NLRP7: variants seen among roughly 807,000 people sequenced by gnomAD.
The protein encoded by NLRP7 is NLR family pyrin domain containing 7.
A neutral mutation model predicts 85.5 loss-of-function variants in NLRP7; 72 were observed. The ratio of observed to expected loss-of-function variants is 0.84; its 90% CI spans 0.70 to 1.02. NLRP7 has a LOEUF of 1.02. NLRP7 is among the 50% of genes least tolerant of loss of function. The pLI, the probability that NLRP7 is intolerant of heterozygous loss-of-function variation, is 0.00. For missense variants in NLRP7, 1,243 were observed against 1,219.5 expected, an observed-to-expected ratio of 1.02 and a Z score of -0.29; for synonymous variants, 550 against 505.2, an observed-to-expected ratio of 1.09 and a Z score of -1.19.
At chr19:54,960,983 T>C (rs1021211721) in intron 1 of NLRP7, among the ~76,000 whole-genome samples, 56 of 152,190 alleles carry the variant, frequency 3.7e-4, no homozygotes, top group South Asian at 4.2e-4. Context: ...ACAAAGGGCA[T>C]TTTTAAAAAT....
chr19:54,947,051 G>C (rs773369086), intron 1 of NLRP7, among the ~76,000 whole-genome samples: 1 of 152,058 alleles, frequency 6.6e-6, no homozygotes, highest in Non-Finnish European at 1.5e-5. Flanking sequence ...TAGGCCAGGC[G>C]TGGTGGCTCA....
At chr19:54,928,156 G>T (rs1225318506) in intron 9 of NLRP7, among the ~76,000 whole-genome samples, 1 of 152,114 alleles carries the variant, frequency 6.6e-6, no homozygotes, top group Non-Finnish European at 1.5e-5. Flanking sequence ...GGAGGCGGAG[G>T]TTACAGTGAG....
At chr19:54,927,555 C>A in intron 9 of NLRP7, 50 bp downstream of exon 10, 1 of 1,545,214 alleles carries the variant, frequency 6.5e-7, no homozygotes, top group Non-Finnish European at 8.7e-7. Context: ...GACTCCATCT[C>A]AAAAAAACAA....
chr19:54,928,526 A>G (rs2068541491), intron 9 of NLRP7, among the ~76,000 whole-genome samples: 1 of 152,324 alleles, frequency 6.6e-6, no homozygotes, highest in African/African-American at 2.4e-5. Context: ...GATATGTTCT[A>G]TTGAAGACAA....
At chr19:54,928,350 C>T (rs2068534077) in intron 9 of NLRP7, among the ~76,000 whole-genome samples, 2 of 152,244 alleles carry the variant, frequency 1.3e-5, no homozygotes, top group African/African-American at 4.8e-5. Context: ...GCCAACATAT[C>T]ACCACTGCAT....
exon 4 of NLRP7, chr19:54,940,447 T>G: frequency 6.2e-7 from 1 of 1,614,028 alleles, no homozygotes; most frequent in Non-Finnish European, 8.5e-7. Context: ...CCATTGAATT[T>G]CTCCATCCTT....
intron 1 of NLRP7, among the ~76,000 whole-genome samples, chr19:54,954,862 T>C (rs987502699): frequency 1.2e-4 from 18 of 149,856 alleles, no homozygotes; most frequent in African/African-American, 4.2e-4. Flanking sequence ...TCAAAAAAAA[T>C]AAGGGCAACT....
chr19:54,930,994 GC>G (rs35331478), intron 8 of NLRP7, among the ~76,000 whole-genome samples: 14,387 of 152,030 alleles, frequency 0.095, 1,022 homozygotes, highest in East Asian at 0.36. Flanking sequence ...CTGCACTCCA[GC>G]CCGGGCGACA....
chr19:54,933,172 G>A (rs1195452141), intron 8 of NLRP7, among the ~76,000 whole-genome samples: 1 of 152,012 alleles, frequency 6.6e-6, no homozygotes. Context: ...TTGAGAAGGA[G>A]TCTTGTTCTG....
intron 6 of NLRP7, among the ~76,000 whole-genome samples, 161 bp downstream of exon 6, chr19:54,936,100 G>A (rs945595021): frequency 4.6e-5 from 7 of 152,078 alleles, no homozygotes; most frequent in Non-Finnish European, 1.0e-4. Context: ...ACAAGCTGGT[G>A]GGGGAAAGAG....
chr19:54,954,142 T>C (rs539287532), intron 1 of NLRP7, among the ~76,000 whole-genome samples: 1 of 149,476 alleles, frequency 6.7e-6, no homozygotes, highest in Non-Finnish European at 1.5e-5. Flanking sequence ...ACAAATGCCA[T>C]GGCAATGTCA....
At chr19:54,933,646 C>T (rs1034802057) in exon 8 of NLRP7, 1 of 1,614,058 alleles carries the variant, frequency 6.2e-7, no homozygotes, top group African/African-American at 1.3e-5. Flanking sequence ...CAATGGGGTT[C>T]TTGGCCAAGC....
At chr19:54,941,884 C>A in intron 1 of NLRP7, 134 bp from the exon 2 acceptor site, 1 of 735,816 alleles carries the variant, frequency 1.4e-6, no homozygotes, top group Non-Finnish European at 2.1e-6. Flanking sequence ...AATTAAGAGA[C>A]TGAAAATCTG....
exon 4 of NLRP7, chr19:54,939,577 C>A: frequency 6.2e-7 from 1 of 1,611,868 alleles, no homozygotes; most frequent in Non-Finnish European, 8.5e-7. Flanking sequence ...GGAGGCTCAG[C>A]GTCCGCAGCG....
intron 4 of NLRP7, 108 bp downstream of exon 4, chr19:54,938,780 G>C (rs1460488870): frequency 8.2e-7 from 1 of 1,224,640 alleles, no homozygotes; most frequent in East Asian, 2.3e-5. Context: ...CGTTGAACAT[G>C]AAGCTGGAAA....
chr19:54,926,205 GGTGT>G (rs138774910), intron 9 of NLRP7, among the ~76,000 whole-genome samples: 27 of 143,628 alleles, frequency 1.9e-4, no homozygotes, highest in African/African-American at 4.7e-4. Context: ...AATGATTAGG[GGTGT>G]GTGTGTGTGT....
chr19:54,941,880 G>C, intron 1 of NLRP7, 130 bp from the exon 2 acceptor site: 1 of 760,884 alleles, frequency 1.3e-6, no homozygotes. Context: ...ACTGAATTAA[G>C]AGACTGAAAA....
At chr19:54,938,358 T>G (rs1251230372) in intron 4 of NLRP7, 117 bp from the exon 5 acceptor site, 15 of 795,884 alleles carry the variant, frequency 1.9e-5, no homozygotes, top group Non-Finnish European at 3.1e-5. Context: ...CCTAAAACAG[T>G]GTCTATAGTA....
intron 9 of NLRP7, among the ~76,000 whole-genome samples, chr19:54,925,698 C>T (rs113548326): frequency 2.6e-5 from 4 of 152,138 alleles, no homozygotes; most frequent in East Asian, 3.9e-4. Flanking sequence ...AGGTAGATTA[C>T]GTTAAAATAA....
Sources: gnomAD v4.1 joint callset for allele counts (sites outside exome capture counted in the v4.1 genomes callset) on GRCh38, gnomAD v4.1.1 for gene constraint, MANE v1.5 for transcripts, NCBI Gene and HGNC (gene_info 2026-07-23, HGNC 2026-07-21) for gene names.